KCNG2: variants seen among roughly 807,000 people sequenced by gnomAD.
The protein encoded by KCNG2 is voltage-gated potassium channel regulatory subunit KCNG2.
A neutral mutation model predicts 12.3 loss-of-function variants in KCNG2; 7 were observed. That is an observed-to-expected ratio of 0.57 (90% confidence interval 0.32 to 1.07). The LOEUF is 1.07. Among genes scored for constraint, KCNG2 ranks in the 50% least tolerant of loss-of-function variants. The pLI is 0.04. For synonymous variants in KCNG2, 414 were observed against 351.4 expected, an observed-to-expected ratio of 1.18 and a Z score of -1.99; for missense variants, 703 against 726.0, an observed-to-expected ratio of 0.97 and a Z score of 0.36.
chr18:79,845,891 C>T (rs1173543612), intron 1 of KCNG2, among the ~76,000 whole-genome samples: 10 of 150,772 alleles, frequency 6.6e-5, no homozygotes, highest in Admixed American at 6.0e-4. Flanking sequence ...TTGAGATCAT[C>T]CTGGCTAATA....
intron 1 of KCNG2, among the ~76,000 whole-genome samples, chr18:79,844,191 A>C (rs938979378): frequency 6.6e-6 from 1 of 152,222 alleles, no homozygotes; most frequent in Non-Finnish European, 1.5e-5. Flanking sequence ...GAGTGGCTGA[A>C]GAACATGTTA....
intron 3 of KCNG2, among the ~76,000 whole-genome samples, chr18:79,882,892 G>C (rs1980370234): frequency 1.4e-5 from 2 of 146,998 alleles, no homozygotes; most frequent in South Asian, 4.2e-4. Context: ...GCGGAGGCCG[G>C]GTACATCTGC....
chr18:79,814,727 G>C (rs2087516214), intron 1 of KCNG2, among the ~76,000 whole-genome samples: 1 of 152,186 alleles, frequency 6.6e-6, no homozygotes, highest in Admixed American at 6.5e-5. Flanking sequence ...ATTGTTTCTT[G>C]CAACTGCATG....
At chr18:79,834,219 C>T (rs1386475008) in intron 1 of KCNG2, among the ~76,000 whole-genome samples, 7 of 152,354 alleles carry the variant, frequency 4.6e-5, no homozygotes, top group Middle Eastern at 3.4e-3. Flanking sequence ...GATAAAGACC[C>T]GTTTGCCTCG....
Position 79,899,373 on chromosome 18 carries a change from C to G in KCNG2, c.958C>G (p.Arg320Gly). The change falls in exon 4 of 4, where the codon CGC becomes GGC. Residue 320 changes from arginine to glycine, a missense_variant. Coordinates refer to ENST00000316249, the MANE Select transcript of KCNG2 (RefSeq NM_012283.2). The part of the protein sequence containing the change: ...SLGLTMRRCA[R>G]EFGLLLLFLC... The stretch of plus-strand genomic sequence containing the variant: ...GGGCCTGACCATGCGCCGCTGCGCG[C>G]GCGAGTTCGGGCTGCTGCTGCTGTT... 1 of 1,559,594 alleles carries G rather than the reference C, an allele frequency of 6.4e-7. No individual in the cohort carries two copies. Among genetic ancestry groups the G allele is most frequent in the Non-Finnish European group, 8.6e-7 (1 of 1,158,874 alleles).
At chr18:79,875,472 C>T (rs1389035743) in intron 3 of KCNG2, among the ~76,000 whole-genome samples, 1 of 152,216 alleles carries the variant, frequency 6.6e-6, no homozygotes, top group Non-Finnish European at 1.5e-5. Flanking sequence ...GGTCTTCATG[C>T]CGAAGGCTCC....
intron 3 of KCNG2, among the ~76,000 whole-genome samples, chr18:79,880,065 T>G (rs1433307079): frequency 2.0e-5 from 3 of 152,200 alleles, no homozygotes; most frequent in Non-Finnish European, 4.4e-5. Flanking sequence ...TGAGTTATCT[T>G]ACCCCAAAAA....
chr18:79,828,807 T>C (rs1296471069), intron 1 of KCNG2, among the ~76,000 whole-genome samples: 1 of 126,792 alleles, frequency 7.9e-6, no homozygotes, highest in Non-Finnish European at 1.7e-5. Context: ...TGTGTGTGGG[T>C]GTCTATGTGT....
Position 79,882,950 on chromosome 18 carries a change from G to A in KCNG2, c.625-16090G>A, listed in dbSNP as rs138960640. Among the ~76,000 whole-genome samples the A allele has an allele frequency of 1.9e-3, 285 of 152,282 alleles. 2 individuals are homozygous for A. The highest frequency in any genetic ancestry group is 6.5e-3 in the African/African-American group (268 of 41,502). ...ACACCTGCGCTCATCGCACACCAGC[G>A]CCCACGCCCAGGACGTACTCGCGGG... is the stretch of plus-strand genomic sequence containing the variant. On this transcript the variant is annotated intron_variant, in intron 3 of 3. Transcript: ENST00000316249.
At chr18:79,859,915 G>A (rs1010036696) in intron 2 of KCNG2, among the ~76,000 whole-genome samples, 12 of 151,968 alleles carry the variant, frequency 7.9e-5, no homozygotes, top group Admixed American at 7.9e-4. Context: ...GTCCATGTTC[G>A]CATTCCTATA....
chr18:79,867,877 A>T (rs12953738), intron 3 of KCNG2, among the ~76,000 whole-genome samples: 4 of 151,876 alleles, frequency 2.6e-5, no homozygotes, highest in Admixed American at 2.6e-4. Context: ...GCCCCTGCCT[A>T]CCTGGGGGAC....
At chr18:79,893,859 G>A (rs112118118) in intron 3 of KCNG2, among the ~76,000 whole-genome samples, 1,526 of 52,358 alleles carry the variant, frequency 0.029, no homozygotes, top group East Asian at 0.054. Context: ...ATATAGTTGG[G>A]TCTGTATCTG....
intron 3 of KCNG2, among the ~76,000 whole-genome samples, chr18:79,867,762 CACCAGG>C (rs1310475609): frequency 6.2e-4 from 95 of 152,182 alleles, no homozygotes; most frequent in African/African-American, 2.3e-3. Context: ...CAGAGCACCC[CACCAGG>C]TGGGGGTCGG....
intron 3 of KCNG2, among the ~76,000 whole-genome samples, chr18:79,897,732 A>G (rs758682143): frequency 2.0e-5 from 3 of 150,780 alleles, no homozygotes; most frequent in Admixed American, 6.6e-5. Context: ...CCTGTTATTC[A>G]CTGGTTTAGT....
chr18:79,804,280 C>T (rs766495133), intron 1 of KCNG2, among the ~76,000 whole-genome samples: 25 of 152,258 alleles, frequency 1.6e-4, no homozygotes, highest in Admixed American at 4.6e-4. Flanking sequence ...AGCCGCTGGA[C>T]CCTGGCCCTG....
At chr18:79,869,485 C>G (rs369496693) in intron 3 of KCNG2, among the ~76,000 whole-genome samples, 2 of 152,268 alleles carry the variant, frequency 1.3e-5, no homozygotes, top group East Asian at 3.9e-4. Context: ...AGGGGACGCA[C>G]TGGCCCACAG....
At chr18:79,873,409 G>A (rs1979931874) in intron 3 of KCNG2, among the ~76,000 whole-genome samples, 1 of 139,736 alleles carries the variant, frequency 7.2e-6, no homozygotes. Context: ...CACGGGTGCC[G>A]CTCCTGCCGG....
At chr18:79,852,307 T>C (rs1793451361) in intron 1 of KCNG2, among the ~76,000 whole-genome samples, 1 of 152,244 alleles carries the variant, frequency 6.6e-6, no homozygotes, top group Non-Finnish European at 1.5e-5. Context: ...GCCATCTATC[T>C]CCAGCAGCGC....
intron 1 of KCNG2, among the ~76,000 whole-genome samples, chr18:79,845,471 A>G (rs573000599): frequency 6.6e-6 from 1 of 152,210 alleles, no homozygotes; most frequent in Non-Finnish European, 1.5e-5. Context: ...TGAATCTGCA[A>G]TTACCTCAAA....
Sources: allele counts gnomAD v4.1 joint callset (sites outside exome capture counted in the v4.1 genomes callset), GRCh38; gene constraint gnomAD v4.1.1; transcripts MANE v1.5; gene names NCBI Gene and HGNC (gene_info 2026-07-23, HGNC 2026-07-21).